The following PRPH2 variants were observed in gnomAD, a reference collection of about 807,000 sequenced individuals.
The protein encoded by PRPH2 is peripherin 2.
PRPH2 carries 17 observed loss-of-function variants against 31.3 expected under a neutral mutation model. The observed-to-expected ratio is 0.54, with a 90% CI of 0.37 to 0.81. The LOEUF is 0.81. Ranked by LOEUF, PRPH2 falls within the 40% of genes least tolerant of loss-of-function variation. The pLI is 0.00. For synonymous variants in PRPH2, 165 were observed against 184.4 expected (o/e 0.89, Z 0.85); for missense variants, 430 against 439.7 (o/e 0.98, Z 0.20).
At chr6:42,710,236 C>A (rs1007285848) in intron 1 of PRPH2, among the ~76,000 whole-genome samples, 1 of 152,066 alleles carries the variant, frequency 6.6e-6, no homozygotes, top group Non-Finnish European at 1.5e-5. Context: ...GCTGTGTCTC[C>A]CCTCAGACTG....
chr6:42,722,288 A>G lies in PRPH2; in HGVS notation c.47T>C (p.Leu16Ser). ...GTTCATGAGCCAGAGCCCTTGGGCC[A>G]ACTTGACCCGCTTCTTCTGGTCAAA... is the stretch of plus-strand genomic sequence containing the variant. ...VKFDQKKRVK[L>S]AQGLWLMNWF... Residue 16 changes from leucine (L) to serine (S), a missense_variant, in exon 1 of 3, where the codon TTG (leucine) becomes TCG (serine). Transcript: ENST00000230381. The surrounding 1 kb of genome is among the most constrained non-coding windows in gnomAD (Gnocchi z 4.4). 6.2e-7 allele frequency: 1 copy of G among 1,614,152 alleles called. No individual in the cohort carries two copies. Among genetic ancestry groups the G allele is most frequent in the Non-Finnish European group, 8.5e-7 (1 of 1,180,040 alleles).
chr6:42,705,954 G>A (rs116526310), intron 1 of PRPH2, among the ~76,000 whole-genome samples: 29,333 of 125,104 alleles, frequency 0.23, 3,091 homozygotes, highest in Middle Eastern at 0.3. Flanking sequence ...GTGAGACCCC[G>A]TCTCAAAAAA....
rs1194169404 is a variant in PRPH2, at chr6:42,705,599, AATATATATATATAT to A, written c.582-1002_582-989del. Reference sequence around the variant, plus strand: ...TAAAAAAAAAAAAAAAAAAAAAAAAAATATATATATATATATATATATATATATATATTTGTGCA... The same window carrying A: ...TAAAAAAAAAAAAAAAAAAAAAAAAAATATATATATATATATATTTGTGCA... On this transcript the variant is annotated intron_variant, in intron 1 of 2. Coordinates refer to ENST00000230381, the MANE Select transcript of PRPH2 (RefSeq NM_000322.5). 7.4e-4 allele frequency among the ~76,000 whole-genome samples: 16 copies of A among 21,588 alleles called. 1 individual carries two copies. The highest frequency in any genetic ancestry group is 3.2e-3 in the South Asian group (2 of 622). The allele number at this position is 21,588 out of a possible 152,430, so 14.2% of individuals were successfully genotyped here.
intron 1 of PRPH2, 139 bp from the exon 2 acceptor site, chr6:42,704,750 G>C: frequency 1.5e-6 from 2 of 1,313,812 alleles, no homozygotes; most frequent in Non-Finnish European, 2.2e-6. Context: ...CGCCCGCTAC[G>C]TGCCAGTCAC....
In PRPH2 at chr6:42,698,264, A is replaced by C; in HGVS notation, c.*31T>G. On this transcript the variant is annotated 3_prime_UTR_variant, in exon 3 of 3. Transcript: ENST00000230381. ...CGTTTCTTGGAGTGCACTATTTCTC[A>C]GTGTTCGGGAGGGGAGGGGCCCCAG... 2 of 1,612,134 alleles carry C rather than the reference A, an allele frequency of 1.2e-6. No homozygotes were observed. Among genetic ancestry groups the C allele is most frequent in the Non-Finnish European group, 1.7e-6 (2 of 1,179,590 alleles).
In PRPH2 at chr6:42,721,963, GC is replaced by G. The variant is rs61755778; in HGVS notation, c.371del (p.Gly124AlafsTer15). The G allele has an allele frequency of 6.2e-7, 1 of 1,614,126 alleles. No homozygotes were observed. The highest frequency in any genetic ancestry group is 1.1e-5 in the South Asian group (1 of 91,074). ...LVALCCFLLR[G>X]SLENTLGQGL... ...CTTGGCCCAGGGTGTTCTCCAGCGAGCCCCGAAGCAGAAAGCAGCAGAGAGC... is the reference window on the plus strand; with the variant it reads ...CTTGGCCCAGGGTGTTCTCCAGCGAGCCCGAAGCAGAAAGCAGCAGAGAGC... On this transcript the variant is annotated frameshift_variant, in exon 1 of 3. Transcript: ENST00000230381. LOFTEE classifies it high-confidence loss of function.
In PRPH2 at chr6:42,703,634, A is replaced by C. The variant is rs144732850; in HGVS notation, c.828+731T>G. Reference sequence around the variant, plus strand: ...ATGTCCAAAATACATAAATCCAGAGAACAGTTGCCAGGGGCTGGAGGGCAG... The same window carrying C: ...ATGTCCAAAATACATAAATCCAGAGCACAGTTGCCAGGGGCTGGAGGGCAG... On this transcript the variant is annotated intron_variant, in intron 2 of 2. Transcript: ENST00000230381. 5.1e-4 allele frequency among the ~76,000 whole-genome samples: 77 copies of C among 152,288 alleles called. No individual in the cohort carries two copies. The East Asian group carries it at 0.014, about 28-fold the overall frequency.
At chr6:42,708,054 G>A (rs200048204) in intron 1 of PRPH2, among the ~76,000 whole-genome samples, 13 of 152,304 alleles carry the variant, frequency 8.5e-5, no homozygotes, top group African/African-American at 2.6e-4. Flanking sequence ...GTAGCCATGC[G>A]CTGTGAGCAA....
At position 42,704,535 on chromosome 6, in the gene PRPH2, G is replaced by A. The variant is rs61755809; in HGVS notation, c.658C>T (p.Arg220Trp). 5.0e-6 allele frequency: 8 copies of A among 1,614,168 alleles called. No individual in the cohort carries two copies. The highest frequency in any genetic ancestry group is 6.8e-6 in the Non-Finnish European group (8 of 1,180,024). Reference sequence around the variant, plus strand: ...GTGATCTGATACTGGATGCAGGGCCGTGGCGAGCTAGGATTGCAGCAGCTG... The same window carrying A: ...GTGATCTGATACTGGATGCAGGGCCATGGCGAGCTAGGATTGCAGCAGCTG... ...PFSCCNPSSP[R>W]PCIQYQITNN... Residue 220 changes from arginine to tryptophan, a missense_variant, in exon 2 of 3, where the codon CGG becomes TGG. Arg to Trp is a moderately radical substitution (Grantham distance 101, BLOSUM62 -3). Transcript: ENST00000230381.
intron 2 of PRPH2, among the ~76,000 whole-genome samples, chr6:42,701,363 A>AT (rs1800041860): frequency 6.6e-6 from 1 of 151,996 alleles, no homozygotes; most frequent in African/African-American, 2.4e-5. Flanking sequence ...ACCTCAGGTG[A>AT]TCCCCCGCCT....
Position 42,698,277 on chromosome 6 carries a change from G to A in PRPH2, c.*18C>T. Reference sequence around the variant, plus strand: ...GCACTATTTCTCAGTGTTCGGGAGGGGAGGGGCCCCAGGGCCCTCAGCCAG... The same window carrying A: ...GCACTATTTCTCAGTGTTCGGGAGGAGAGGGGCCCCAGGGCCCTCAGCCAG... On this transcript the variant is annotated 3_prime_UTR_variant, in exon 3 of 3. Transcript: ENST00000230381. 1 of 1,613,250 alleles carries A rather than the reference G, an allele frequency of 6.2e-7. No individual in the cohort carries two copies. Among genetic ancestry groups the A allele is most frequent in the South Asian group, 1.1e-5 (1 of 91,036 alleles).
intron 1 of PRPH2, among the ~76,000 whole-genome samples, 178 bp from the exon 2 acceptor site, chr6:42,704,789 A>C (rs1800123430): frequency 1.3e-5 from 2 of 152,240 alleles, no homozygotes; most frequent in South Asian, 4.1e-4. Flanking sequence ...CAAAAAAATG[A>C]ATAAATGCCC....
rs1322278463 is a variant in PRPH2, at chr6:42,704,610, G to T, written c.583C>A (p.Arg195=). The change falls in exon 2 of 3, where the codon CGA becomes AGA. Residue 195 remains arginine, a splice_region_variant and synonymous_variant. Transcript: ENST00000230381. ...LDFSSKEVKD[R]IKSNVDGRYL... ...CGCCCATCCACGTTGCTCTTGATTC[G>T]ACTTAAAGGGAAACAGACAGCTGGA... is the stretch of plus-strand genomic sequence containing the variant. The T allele has an allele frequency of 6.2e-7, 1 of 1,614,132 alleles. No individual in the cohort carries two copies. The highest frequency in any genetic ancestry group is 1.7e-5 in the Admixed American group (1 of 60,022).
chr6:42,714,712 T>A (rs550143460), intron 1 of PRPH2, among the ~76,000 whole-genome samples: 3 of 152,184 alleles, frequency 2.0e-5, no homozygotes, highest in Admixed American at 6.5e-5. Flanking sequence ...GAGATGGGGT[T>A]TCACTATGTT....
At chr6:42,698,819 C>T (rs958224468) in intron 2 of PRPH2, among the ~76,000 whole-genome samples, 32 of 152,088 alleles carry the variant, frequency 2.1e-4, no homozygotes, top group Non-Finnish European at 3.7e-4. Flanking sequence ...CTGCCTAGAA[C>T]CTTGCTCCTC....
rs1582765240 is a variant in PRPH2 at position 42,704,741 on chromosome 6, G to A, written c.582-130C>T. 6 of 1,374,012 alleles carry A rather than the reference G, an allele frequency of 4.4e-6. No homozygotes were observed. In the South Asian group the frequency reaches 4.8e-5, roughly 11 times the overall value. The allele number at this position is 1,374,012 out of a possible 1,614,324, so 85.1% of individuals were successfully genotyped here. ...CACACTTGGTATATATTTGCTGTGC[G>A]CCCGCTACGTGCCAGTCACTGTTCT... On this transcript the variant is annotated intron_variant, in intron 1 of 2. Coordinates refer to ENST00000230381, the MANE Select transcript of PRPH2 (RefSeq NM_000322.5).
At chr6:42,714,086 G>A (rs1761728464) in intron 1 of PRPH2, among the ~76,000 whole-genome samples, 3 of 152,030 alleles carry the variant, frequency 2.0e-5, no homozygotes, top group Admixed American at 1.3e-4. Context: ...CTTTAACATC[G>A]CTGGGAAACA....
At position 42,698,239 on chromosome 6, in the gene PRPH2, C is replaced by T. The variant is rs1420688573; in HGVS notation, c.*56G>A. 29 of 1,606,030 alleles carry T rather than the reference C, an allele frequency of 1.8e-5. No homozygotes were observed. The Middle Eastern group carries it at 2.2e-3, about 124-fold the overall frequency. ...CGGAGTTGGATGAGGGGGAGATCCA[C>T]GTTTCTTGGAGTGCACTATTTCTCA... On this transcript the variant is annotated 3_prime_UTR_variant, in exon 3 of 3. Coordinates refer to ENST00000230381, the MANE Select transcript of PRPH2 (RefSeq NM_000322.5).
At chr6:42,708,878 AC>A (rs1287979484) in intron 1 of PRPH2, among the ~76,000 whole-genome samples, 1 of 152,186 alleles carries the variant, frequency 6.6e-6, no homozygotes, top group Non-Finnish European at 1.5e-5. Context: ...AATTCGAGTC[AC>A]GCATTTGACA....
Sources: gnomAD v4.1 joint callset for allele counts (sites outside exome capture counted in the v4.1 genomes callset) on GRCh38, gnomAD v4.1.1 for gene constraint, Gnocchi (gnomAD v3.1) non-coding constraint, MANE v1.5 for transcripts, NCBI Gene and HGNC (gene_info 2026-07-23, HGNC 2026-07-21) for gene names.